TTC4: variants seen among roughly 807,000 people sequenced by gnomAD.
The protein encoded by TTC4 is tetratricopeptide repeat domain 4.
Under a neutral mutation model 51.9 loss-of-function variants are expected in TTC4, and 36 were observed. That is an observed-to-expected ratio of 0.69 (90% CI 0.53 to 0.92). TTC4 has a LOEUF of 0.92. Ranked by LOEUF, TTC4 falls within the 40% of genes least tolerant of loss-of-function variation. The probability of loss-of-function intolerance (pLI) is 0.00; values close to 1 mark genes in which losing one functional copy is unlikely to be tolerated. For missense variants in TTC4, 399 were observed against 454.6 expected, an observed-to-expected ratio of 0.88 and a Z score of 1.11; for synonymous variants, 144 against 164.2, an observed-to-expected ratio of 0.88 and a Z score of 0.94.
intron 5 of TTC4, among the ~76,000 whole-genome samples, chr1:54,727,065 A>C (rs1054493219): frequency 9.9e-5 from 15 of 150,982 alleles, no homozygotes; most frequent in Non-Finnish European, 1.9e-4. Context: ...CAAAAAAAAA[A>C]AAAAAACAAA....
chr1:54,721,879 G>T (rs568708057), intron 4 of TTC4, among the ~76,000 whole-genome samples: 4 of 152,214 alleles, frequency 2.6e-5, no homozygotes, highest in Non-Finnish European at 5.9e-5. Flanking sequence ...ACAAAGATTG[G>T]CTGATAAATT....
intron 3 of TTC4, among the ~76,000 whole-genome samples, chr1:54,719,766 AAAAT>A (rs1413383728): frequency 1.3e-5 from 2 of 152,224 alleles, no homozygotes; most frequent in East Asian, 1.9e-4. Flanking sequence ...AAATAATGCA[AAAAT>A]AAATAAAGTC....
chr1:54,727,544 T>C (rs1015429399), intron 5 of TTC4, among the ~76,000 whole-genome samples: 1 of 148,762 alleles, frequency 6.7e-6, no homozygotes, highest in Admixed American at 6.6e-5. Flanking sequence ...AATGAAAAGA[T>C]AAATGTGAAG....
Position 54,733,547 on chromosome 1 carries a change from C to T in TTC4, c.897-82C>T, listed in dbSNP as rs1480490752. The T allele has an allele frequency of 6.2e-6, 7 of 1,125,812 alleles. No homozygotes were observed. The African/African-American group carries it at 9.4e-5, about 15-fold the overall frequency. The allele number at this position is 1,125,812 out of a possible 1,614,324, so 69.7% of individuals were successfully genotyped here. A position where few individuals can be genotyped will look rare whatever the true frequency, so the allele number is the denominator to read the frequency against. ...TTCATGTTTTATACATTCTAGATAA[C>T]TTTGAATTAGTGTCTGGGGACCGAT... On this transcript the variant is annotated intron_variant, in intron 7 of 9. Transcript: ENST00000371281.
chr1:54,721,829 A>C (rs12060707), intron 4 of TTC4, among the ~76,000 whole-genome samples: 14,081 of 152,270 alleles, frequency 0.092, 925 homozygotes, highest in South Asian at 0.19. Context: ...GGGCAGTAGG[A>C]AGATCCATGT....
chr1:54,717,544 C>G lies in TTC4; in HGVS notation c.282C>G (p.Asp94Glu). The change falls in exon 3 of 10, where the codon GAC becomes GAG. Residue 94 changes from aspartate to glutamate, a missense_variant. Transcript: ENST00000371281. ...GCAATGATTACTTTAAAGAAAAAGACTACAAGAAAGCTGTAATTTCATACA... is the reference window on the plus strand; with the variant it reads ...GCAATGATTACTTTAAAGAAAAAGAGTACAAGAAAGCTGTAATTTCATACA... ...DEGNDYFKEK[D>E]YKKAVISYTE... is the part of the protein sequence containing the mutation. 6.2e-7 allele frequency: 1 copy of G among 1,610,136 alleles called. No homozygotes were observed.
chr1:54,720,347 C>T (rs1645728564), intron 3 of TTC4, among the ~76,000 whole-genome samples: 1 of 151,872 alleles, frequency 6.6e-6, no homozygotes, highest in African/African-American at 2.4e-5. Flanking sequence ...AATACTAAAC[C>T]ATTAAGTAAT....
intron 8 of TTC4, among the ~76,000 whole-genome samples, chr1:54,736,367 T>C (rs1382406254): frequency 6.6e-6 from 1 of 152,084 alleles, no homozygotes; most frequent in Non-Finnish European, 1.5e-5. Flanking sequence ...CTTCTTGTTC[T>C]TTTTTTGTTT....
intron 8 of TTC4, among the ~76,000 whole-genome samples, chr1:54,736,175 GGAGA>G (rs11292044): frequency 0.032 from 3,266 of 100,552 alleles, 92 homozygotes; most frequent in Non-Finnish European, 0.035. Flanking sequence ...AAGAAAGAAA[GGAGA>G]GAGAGAGAGA....
At chr1:54,741,313 C>T in intron 9 of TTC4, 98 bp from the exon 10 acceptor site, 1 of 1,011,384 alleles carries the variant, frequency 9.9e-7, no homozygotes, top group Non-Finnish European at 1.6e-6. Context: ...CATGTTGACT[C>T]CCATCCAGAG....
intron 9 of TTC4, among the ~76,000 whole-genome samples, chr1:54,738,396 G>A (rs981176977): frequency 6.6e-6 from 1 of 152,146 alleles, no homozygotes; most frequent in African/African-American, 2.4e-5. Context: ...GGCACCATCC[G>A]AGGAGTAGAG....
chr1:54,724,043 G>A (rs1645773276), intron 5 of TTC4, among the ~76,000 whole-genome samples: 1 of 152,080 alleles, frequency 6.6e-6, no homozygotes, highest in African/African-American at 2.4e-5. Flanking sequence ...GGGCTACTGG[G>A]GACAGTCACA....
At chr1:54,732,883 C>A (rs958492757) in intron 7 of TTC4, among the ~76,000 whole-genome samples, 1 of 151,630 alleles carries the variant, frequency 6.6e-6, no homozygotes, top group African/African-American at 2.4e-5. Context: ...GCCAGGAGTT[C>A]AAGACCAGCC....
At chr1:54,730,603 T>C (rs572634196) in intron 6 of TTC4, among the ~76,000 whole-genome samples, 3 of 152,138 alleles carry the variant, frequency 2.0e-5, no homozygotes, top group Non-Finnish European at 4.4e-5. Context: ...TATCATCAAA[T>C]CTAATTTTGA....
intron 8 of TTC4, among the ~76,000 whole-genome samples, chr1:54,735,078 T>G (rs1239571135): frequency 6.6e-6 from 1 of 152,168 alleles, no homozygotes; most frequent in East Asian, 1.9e-4. Context: ...TTTTTTTACT[T>G]AAAAAATTTT....
At position 54,728,243 on chromosome 1, in the gene TTC4, C is replaced by T. The variant is rs1645824791; in HGVS notation, c.595-103C>T. 5 of 1,005,936 alleles carry T rather than the reference C, an allele frequency of 5.0e-6. No individual in the cohort carries two copies. In the South Asian group the frequency reaches 8.2e-5, roughly 16 times the overall value. The allele number at this position is 1,005,936 out of a possible 1,614,324, so 62.3% of individuals were successfully genotyped here. Reference sequence around the variant, plus strand: ...CCACTGGTATTCCTTAACACAGGAGCTTGGGTTGGATAGAGGCCAGAGATA... The same window carrying T: ...CCACTGGTATTCCTTAACACAGGAGTTTGGGTTGGATAGAGGCCAGAGATA... On this transcript the variant is annotated intron_variant, in intron 5 of 9. Coordinates refer to ENST00000371281, the MANE Select transcript of TTC4 (RefSeq NM_004623.5).
chr1:54,741,896 A>G lies in TTC4; in HGVS notation c.*383A>G, dbSNP rs1646016003. 4 of 192,854 alleles carry G rather than the reference A, an allele frequency of 2.1e-5. No homozygotes were observed. Among genetic ancestry groups the G allele is most frequent in the South Asian group, 1.3e-4 (1 of 7,930 alleles). 11.9% of individuals were successfully genotyped at this position (192,854 alleles called of 1,614,324 possible). On this transcript the variant is annotated 3_prime_UTR_variant, in exon 10 of 10. Coordinates refer to ENST00000371281, the MANE Select transcript of TTC4 (RefSeq NM_004623.5). ...GACACCTTAGAGAAGCTACCCCTCA[A>G]ACTGCACATCTACACACAAACAAAC...
chr1:54,731,774 G>A (rs1645868425), intron 7 of TTC4, 74 bp downstream of exon 7: 1 of 1,448,678 alleles, frequency 6.9e-7, no homozygotes, highest in East Asian at 2.4e-5. Flanking sequence ...GGGACGAGTG[G>A]ATTTTTGGTT....
At chr1:54,729,727 G>GTT (rs71870069) in intron 6 of TTC4, among the ~76,000 whole-genome samples, 264 of 144,510 alleles carry the variant, frequency 1.8e-3, no homozygotes, top group South Asian at 4.4e-3. Flanking sequence ...TATGGGATAG[G>GTT]TTTTTTTTTT....
Sources: gnomAD v4.1 joint callset for allele counts (sites outside exome capture counted in the v4.1 genomes callset) on GRCh38, gnomAD v4.1.1 for gene constraint, MANE v1.5 for transcripts, NCBI Gene and HGNC (gene_info 2026-07-23, HGNC 2026-07-21) for gene names.